The following TSHZ2 variants were observed in gnomAD, a reference collection of about 807,000 sequenced individuals.
The protein encoded by TSHZ2 is teashirt zinc finger homeobox 2.
In TSHZ2, 21 loss-of-function variants were observed where a neutral mutation model predicts 74.4. That is an observed-to-expected ratio of 0.28 (90% CI 0.20 to 0.41). The LOEUF (loss-of-function observed/expected upper bound fraction) is 0.41. TSHZ2 is among the 10% of genes least tolerant of loss of function. TSHZ2 has a pLI of 1.00. For missense variants in TSHZ2, 1,244 were observed against 1,293.5 expected (o/e 0.96, Z 0.59); for synonymous variants, 540 against 515.3 (o/e 1.05, Z -0.65).
chr20:53,229,831 GAGAA>G (rs1038692364), intron 1 of TSHZ2, among the ~76,000 whole-genome samples: 4 of 144,308 alleles, frequency 2.8e-5, no homozygotes, highest in African/African-American at 5.1e-5. Context: ...GAGGGAGGAA[GAGAA>G]AGAAAAGAAA....
rs371250962 is a variant in TSHZ2, at chr20:53,293,241, T to C, written c.*8+36670T>C. Among the ~76,000 whole-genome samples, 34 of 152,256 alleles carry C rather than the reference T, an allele frequency of 2.2e-4. No individual in the cohort carries two copies. The East Asian group carries it at 4.1e-3, about 18-fold the overall frequency. On this transcript the variant is annotated intron_variant, in intron 2 of 2. Coordinates refer to ENST00000371497, the MANE Select transcript of TSHZ2 (RefSeq NM_173485.6). ...ACTTTGGGAGGCCAAGGTAGGAGGATCACTTAAGCCCAGGAGTTTGAGACC... is the reference window on the plus strand; with the variant it reads ...ACTTTGGGAGGCCAAGGTAGGAGGACCACTTAAGCCCAGGAGTTTGAGACC...
intron 1 of TSHZ2, among the ~76,000 whole-genome samples, chr20:53,240,772 T>TAG (rs1241728627): frequency 6.6e-6 from 1 of 150,998 alleles, no homozygotes; most frequent in Non-Finnish European, 1.5e-5. Context: ...GATAGATAGA[T>TAG]ATGGTTTTTT....
chr20:53,256,247 A>T lies in TSHZ2; in HGVS notation c.2789A>T (p.Asp930Val). ...GGCCACCCCATCTTTTATTGCAGTG[A>T]CTGTGCCTCCCAGTTCAGAACCCCT... ...DKGHPIFYCS[D>V]CASQFRTPST... The change falls in exon 2 of 3, where the codon GAC becomes GTC. Residue 930 changes from aspartate (D) to valine (V), a missense_variant. Coordinates refer to ENST00000371497, the MANE Select transcript of TSHZ2 (RefSeq NM_173485.6). The surrounding 1 kb of genome is among the most constrained non-coding windows in gnomAD (Gnocchi z 4.3). 6.2e-7 allele frequency: 1 copy of T among 1,614,022 alleles called. No individual in the cohort carries two copies. The highest frequency in any genetic ancestry group is 8.5e-7 in the Non-Finnish European group (1 of 1,179,918).
At chr20:53,389,835 T>A (rs1181981290) in intron 2 of TSHZ2, among the ~76,000 whole-genome samples, 3 of 152,206 alleles carry the variant, frequency 2.0e-5, no homozygotes, top group African/African-American at 7.2e-5. Flanking sequence ...TATCTTACAA[T>A]GCCTGGGACT....
intron 2 of TSHZ2, among the ~76,000 whole-genome samples, chr20:53,457,902 A>T (rs1036384898): frequency 6.7e-6 from 1 of 149,696 alleles, no homozygotes; most frequent in Non-Finnish European, 1.5e-5. Flanking sequence ...CATCCCAGGG[A>T]TGAAGCCCAC....
chr20:53,417,241 G>GACACACACACAC (rs56822266), intron 2 of TSHZ2, among the ~76,000 whole-genome samples: 46 of 138,124 alleles, frequency 3.3e-4, no homozygotes, highest in African/African-American at 1.1e-3. Context: ...GACACACACA[G>GACACACACACAC]ACACACACAC....
intron 2 of TSHZ2, among the ~76,000 whole-genome samples, chr20:53,446,358 T>C (rs1035934016): frequency 6.7e-6 from 1 of 149,896 alleles, no homozygotes; most frequent in African/African-American, 2.5e-5. Context: ...GGTCAGGAGA[T>C]TGAGACCATC....
Position 53,130,243 on chromosome 20 carries a change from TAGAAAGAA to T in TSHZ2, c.41-123254_41-123247del, listed in dbSNP as rs200242353. Among the ~76,000 whole-genome samples, 6 of 145,108 alleles carry T rather than the reference TAGAAAGAA, an allele frequency of 4.1e-5. No homozygotes were observed. In the East Asian group the frequency reaches 1.2e-3, roughly 29 times the overall value. The stretch of plus-strand genomic sequence containing the variant: ...ACAGCTAAAATTTAAAAAAAAAAAA[TAGAAAGAA>T]AAGAAAAGAAAAGAAACAGTCATGG... On this transcript the variant is annotated intron_variant, in intron 1 of 2. Transcript: ENST00000371497.
chr20:53,038,859 GT>G (rs5841923), intron 1 of TSHZ2, among the ~76,000 whole-genome samples: 13,346 of 146,556 alleles, frequency 0.091, 756 homozygotes, highest in African/African-American at 0.16. Context: ...TTCACTTCTT[GT>G]TTTTTTTTTG....
intron 1 of TSHZ2, among the ~76,000 whole-genome samples, chr20:53,082,045 G>T (rs929906854): frequency 5.9e-5 from 9 of 152,014 alleles, no homozygotes; most frequent in African/African-American, 2.2e-4. Context: ...CACTGACTTT[G>T]TATTTGTGTA....
At chr20:53,468,474 T>TTTG (rs770299076) in intron 2 of TSHZ2, among the ~76,000 whole-genome samples, 2 of 152,140 alleles carry the variant, frequency 1.3e-5, no homozygotes, top group Non-Finnish European at 1.5e-5. Context: ...GCCTGACATT[T>TTTG]TTGTTGTTGT....
rs556812444 is a variant in TSHZ2, at chr20:53,343,163, C to T, written c.*8+86592C>T. Reference sequence around the variant, plus strand: ...TGTATTTTTAGTAGAGATGGGGTTTCACTTTCCTGGCCAGGTTGGTCTTGA... The same window carrying T: ...TGTATTTTTAGTAGAGATGGGGTTTTACTTTCCTGGCCAGGTTGGTCTTGA... On this transcript the variant is annotated intron_variant, in intron 2 of 2. Transcript: ENST00000371497. Among the ~76,000 whole-genome samples, 4 of 151,824 alleles carry T rather than the reference C, an allele frequency of 2.6e-5. No homozygotes were observed. In the East Asian group the frequency reaches 7.8e-4, roughly 30 times the overall value.
chr20:53,384,712 C>CAAT (rs1399896298), intron 2 of TSHZ2, among the ~76,000 whole-genome samples: 1 of 152,184 alleles, frequency 6.6e-6, no homozygotes, highest in Admixed American at 6.5e-5. Flanking sequence ...TGAGATAAAG[C>CAAT]AATAATGATC....
At chr20:53,167,139 A>C (rs1483136540) in intron 1 of TSHZ2, among the ~76,000 whole-genome samples, 1 of 152,186 alleles carries the variant, frequency 6.6e-6, no homozygotes, top group African/African-American at 2.4e-5. Flanking sequence ...TCTGGAAAAG[A>C]AAGATGGTGG....
chr20:53,398,380 G>A (rs760882632), intron 2 of TSHZ2: 11 of 152,164 alleles, frequency 7.2e-5, no homozygotes, highest in Admixed American at 2.6e-4. Context: ...GCAAGTAATA[G>A]CGTTGTAAAA....
intron 1 of TSHZ2, among the ~76,000 whole-genome samples, chr20:53,158,320 G>C (rs1444906056): frequency 3.9e-5 from 6 of 152,146 alleles, no homozygotes; most frequent in Non-Finnish European, 8.8e-5. Flanking sequence ...TAGAAGGTTT[G>C]GGGCAGGAGA....
intron 2 of TSHZ2, chr20:53,413,024 CCT>C (rs1983108810): frequency 6.6e-6 from 1 of 152,332 alleles, no homozygotes; most frequent in Non-Finnish European, 1.5e-5. Flanking sequence ...CCAGAAGCCT[CCT>C]CTAAAACAAG....
chr20:53,453,046 A>G (rs1271649599), intron 2 of TSHZ2: 1 of 152,236 alleles, frequency 6.6e-6, no homozygotes, highest in Non-Finnish European at 1.5e-5. Context: ...TAAATCAGCT[A>G]CAAGGCTCCA....
chr20:53,195,294 C>G (rs756167182), intron 1 of TSHZ2, among the ~76,000 whole-genome samples: 4 of 151,882 alleles, frequency 2.6e-5, no homozygotes, highest in Non-Finnish European at 4.4e-5. Flanking sequence ...CACACACACA[C>G]ATATATATTC....
Sources: allele counts gnomAD v4.1 joint callset (sites outside exome capture counted in the v4.1 genomes callset), GRCh38; gene constraint gnomAD v4.1.1; non-coding constraint Gnocchi (gnomAD v3.1); transcripts MANE v1.5; gene names NCBI Gene and HGNC (gene_info 2026-07-23, HGNC 2026-07-21).